The following ANKRD17 variants were observed in gnomAD, a reference collection of about 807,000 sequenced individuals.
ANKRD17 encodes the protein ankyrin repeat domain 17.
ANKRD17 carries 19 observed loss-of-function variants against 229.7 expected under a neutral mutation model. That is an observed-to-expected ratio of 0.08 (90% confidence interval 0.06 to 0.12). The LOEUF (loss-of-function observed/expected upper bound fraction) is 0.12. Ranked by LOEUF, ANKRD17 falls within the 10% of genes least tolerant of loss-of-function variation. The pLI is 1.00. For synonymous variants in ANKRD17, 1,112 were observed against 1,146.1 expected (o/e 0.97, Z 0.60); for missense variants, 2,176 against 3,176.8 (o/e 0.68, Z 7.57).
chr4:73,227,961 C>T (rs1742671567), intron 1 of ANKRD17, among the ~76,000 whole-genome samples: 1 of 151,892 alleles, frequency 6.6e-6, no homozygotes, highest in Admixed American at 6.6e-5. Flanking sequence ...AATGGTGAGG[C>T]TTCAAAATCT....
intron 25 of ANKRD17, chr4:73,098,964 C>T (rs1723623634): frequency 1.0e-6 from 1 of 984,812 alleles, no homozygotes; most frequent in African/African-American, 1.6e-5. Flanking sequence ...CAGAAGGAGC[C>T]CAGTGAAGTG....
chr4:73,126,940 A>G (rs1484104728), intron 16 of ANKRD17, among the ~76,000 whole-genome samples: 1 of 152,162 alleles, frequency 6.6e-6, no homozygotes, highest in East Asian at 1.9e-4. Context: ...GACTATTAGC[A>G]TTTGAAATAT....
chr4:73,172,412 A>C (rs1018101578), intron 2 of ANKRD17, among the ~76,000 whole-genome samples: 8 of 152,314 alleles, frequency 5.3e-5, no homozygotes, highest in Middle Eastern at 6.8e-3. Context: ...TACAAGAAAC[A>C]CTAAAGAGAT....
intron 15 of ANKRD17, among the ~76,000 whole-genome samples, chr4:73,135,713 C>T (rs919145860): frequency 1.1e-4 from 16 of 152,072 alleles, no homozygotes; most frequent in Non-Finnish European, 2.2e-4. Flanking sequence ...ATATCACTGT[C>T]GGGGAGGGAG....
Position 73,147,353 on chromosome 4 carries a change from C to A in ANKRD17, c.1647G>T (p.Val549=). ...TLACCGGFLE[V]ADFLIKAGAD... ...CTCCTGCCTTAATTAGAAAGTCTGC[C>A]ACTTCCAGAAAGCCTCCACAGCAAG... The change falls in exon 9 of 34, where the codon GTG becomes GTT. Residue 549 remains valine (V), a synonymous_variant. Transcript: ENST00000358602. The A allele has an allele frequency of 1.2e-6, 2 of 1,610,380 alleles. No individual in the cohort carries two copies. The highest frequency in any genetic ancestry group is 1.7e-6 in the Non-Finnish European group (2 of 1,177,846).
intron 1 of ANKRD17, among the ~76,000 whole-genome samples, chr4:73,235,351 G>T (rs1331847974): frequency 6.6e-6 from 1 of 152,240 alleles, no homozygotes; most frequent in East Asian, 1.9e-4. Context: ...CAGTAACAGG[G>T]TTGCAGCCAT....
intron 1 of ANKRD17, among the ~76,000 whole-genome samples, chr4:73,250,443 A>G (rs1399765187): frequency 6.6e-6 from 1 of 151,676 alleles, no homozygotes; most frequent in African/African-American, 2.4e-5. Context: ...TCTAATAAAA[A>G]TACAAAACAA....
intron 27 of ANKRD17, among the ~76,000 whole-genome samples, chr4:73,095,247 A>T (rs1306322549): frequency 6.6e-6 from 1 of 152,166 alleles, no homozygotes; most frequent in African/African-American, 2.4e-5. Flanking sequence ...CACAAATATG[A>T]AAACTTTCTA....
At chr4:73,211,846 T>G (rs1740313837) in intron 1 of ANKRD17, among the ~76,000 whole-genome samples, 1 of 94,502 alleles carries the variant, frequency 1.1e-5, no homozygotes, top group East Asian at 3.2e-4. Context: ...AAACTCTGTC[T>G]CAAAAAAAAA....
At position 73,075,919 on chromosome 4, in the gene ANKRD17, G is replaced by A; in HGVS notation, c.*312C>T. ...GCTAAATTTCCGTGTTTGCTCAGAA[G>A]CAGTTTACAGTACTAAAACCAACCA... On this transcript the variant is annotated 3_prime_UTR_variant, in exon 34 of 34. Coordinates refer to ENST00000358602, the MANE Select transcript of ANKRD17 (RefSeq NM_032217.5). 4.3e-6 allele frequency: 1 copy of A among 233,872 alleles called. No individual in the cohort carries two copies. 14.5% of individuals were successfully genotyped at this position (233,872 alleles called of 1,614,324 possible).
At chr4:73,239,444 T>G (rs575510844) in intron 1 of ANKRD17, among the ~76,000 whole-genome samples, 66 of 152,292 alleles carry the variant, frequency 4.3e-4, no homozygotes, top group African/African-American at 1.5e-3. Flanking sequence ...AAGGGAATAC[T>G]CACAGCCATT....
At chr4:73,223,688 A>G (rs1314224465) in intron 1 of ANKRD17, among the ~76,000 whole-genome samples, 3 of 152,174 alleles carry the variant, frequency 2.0e-5, no homozygotes, top group African/African-American at 7.2e-5. Flanking sequence ...TGATATATGC[A>G]TTTTCTAGTA....
At chr4:73,258,045 T>C (rs149077932) in intron 1 of ANKRD17, among the ~76,000 whole-genome samples, 5 of 134,826 alleles carry the variant, frequency 3.7e-5, no homozygotes, top group Non-Finnish European at 7.6e-5. Flanking sequence ...GATAACAGGC[T>C]GTTCACCAAC....
intron 1 of ANKRD17, among the ~76,000 whole-genome samples, chr4:73,215,328 C>A (rs754174171): frequency 6.6e-6 from 1 of 151,558 alleles, no homozygotes; most frequent in African/African-American, 2.4e-5. Flanking sequence ...GGTGCTATCT[C>A]GGCTCACTGC....
At chr4:73,196,947 C>T (rs1310386908) in intron 1 of ANKRD17, among the ~76,000 whole-genome samples, 1 of 152,048 alleles carries the variant, frequency 6.6e-6, no homozygotes, top group Non-Finnish European at 1.5e-5. Flanking sequence ...GGAATATATA[C>T]ACATGTATGT....
rs1383612133 is a variant in ANKRD17 at position 73,154,096 on chromosome 4, A to T, written c.1018T>A (p.Tyr340Asn). ...TCTACATAGCCTCCAGCACAAGCAT[A>T]TGTAAGTGCTGTATTGCCTATTTTA... ...QSSTGNTALT[Y>N]ACAGGYVDVV... Residue 340 changes from tyrosine to asparagine, a missense_variant, in exon 6 of 34, where the codon TAT becomes AAT. By Grantham distance (143) the Tyr-to-Asn change is moderately radical. This residue lies in a region of ANKRD17 where 184 missense variants were observed against 357.8 expected (regional missense o/e 0.51). Transcript: ENST00000358602. 6.2e-7 allele frequency: 1 copy of T among 1,600,552 alleles called. No homozygotes were observed.
intron 25 of ANKRD17, 62 bp downstream of exon 25, chr4:73,102,314 T>G: frequency 1.3e-6 from 2 of 1,490,796 alleles, no homozygotes; most frequent in Non-Finnish European, 1.8e-6. Context: ...TGACTGATAA[T>G]CAAGTAAATA....
intron 2 of ANKRD17, among the ~76,000 whole-genome samples, chr4:73,166,946 A>T (rs1191181227): frequency 1.3e-5 from 2 of 152,206 alleles, no homozygotes; most frequent in African/African-American, 4.8e-5. Flanking sequence ...AAATCTCAAC[A>T]TTGACAGGAT....
At chr4:73,255,597 A>G (rs1384572297) in intron 1 of ANKRD17, among the ~76,000 whole-genome samples, 1 of 152,234 alleles carries the variant, frequency 6.6e-6, no homozygotes, top group Non-Finnish European at 1.5e-5. Flanking sequence ...AAAACATTAC[A>G]CAACTCACCC....
Sources: gnomAD v4.1 joint callset for allele counts (sites outside exome capture counted in the v4.1 genomes callset) on GRCh38, gnomAD v4.1.1 for gene constraint, gnomAD v4.1.1 regional missense constraint, MANE v1.5 for transcripts, NCBI Gene and HGNC (gene_info 2026-07-23, HGNC 2026-07-21) for gene names.